Variants in ERG observed in about 807,000 individuals in gnomAD.
ERG encodes transcriptional regulator ERG.
Under a neutral mutation model 55.3 loss-of-function variants are expected in ERG, and 9 were observed. The observed-to-expected ratio is 0.16, with a 90% confidence interval of 0.10 to 0.28. The LOEUF (loss-of-function observed/expected upper bound fraction) is 0.28. ERG is among the 10% of genes least tolerant of loss of function. ERG has a pLI of 1.00. For synonymous variants in ERG, 223 were observed against 237.3 expected (o/e 0.94, Z 0.55); for missense variants, 434 against 631.6 (o/e 0.69, Z 3.35).
At chr21:38,422,918 C>T (rs1036831097) in intron 3 of ERG, among the ~76,000 whole-genome samples, 2 of 152,146 alleles carry the variant, frequency 1.3e-5, no homozygotes, top group Non-Finnish European at 2.9e-5. Context: ...AATAGTACCT[C>T]ATGAAGGACA....
intron 6 of ERG, among the ~76,000 whole-genome samples, chr21:38,396,865 T>G (rs145071442): frequency 6.6e-6 from 1 of 152,250 alleles, no homozygotes; most frequent in East Asian, 1.9e-4. Flanking sequence ...CTGGTCGTAG[T>G]AACTGCAACA....
intron 2 of ERG, among the ~76,000 whole-genome samples, chr21:38,550,165 TG>T (rs1226239983): frequency 1.3e-5 from 2 of 152,158 alleles, no homozygotes; most frequent in African/African-American, 4.8e-5. Flanking sequence ...CCTTTTGACC[TG>T]GTTGCTGAGT....
chr21:38,626,441 T>C (rs2146950751), intron 1 of ERG, among the ~76,000 whole-genome samples: 1 of 152,294 alleles, frequency 6.6e-6, no homozygotes, highest in East Asian at 1.9e-4. Flanking sequence ...GTGACATCAG[T>C]ATGAGCTCAG....
At chr21:38,568,767 G>A (rs1285757260) in intron 2 of ERG, among the ~76,000 whole-genome samples, 3 of 152,162 alleles carry the variant, frequency 2.0e-5, no homozygotes, top group Non-Finnish European at 2.9e-5. Context: ...GACAGAGGAC[G>A]TGTCGATGGA....
Position 38,444,847 on chromosome 21 carries a change from C to T in ERG, c.236+557G>A, listed in dbSNP as rs568349496. On this transcript the variant is annotated intron_variant, in intron 2 of 9. Transcript: ENST00000288319. ...AGCAAATTCAAGTGGCTTGGACATA[C>T]GCCGCACTGCCTGGCCACTAGCTGA... Among the ~76,000 whole-genome samples the T allele has an allele frequency of 2.6e-5, 4 of 152,112 alleles. No individual in the cohort carries two copies. In the South Asian group the frequency reaches 6.2e-4, roughly 24 times the overall value.
chr21:38,646,980 C>G (rs2060460964), intron 1 of ERG, among the ~76,000 whole-genome samples: 1 of 152,164 alleles, frequency 6.6e-6, no homozygotes, highest in African/African-American at 2.4e-5. Context: ...TCACCGGTGG[C>G]TGCCAGCCTC....
At chr21:38,501,223 A>G (rs934515304), upstream of ERG, among the ~76,000 whole-genome samples, 4 of 151,164 alleles carry the variant, frequency 2.6e-5, no homozygotes, top group Admixed American at 2.6e-4. Flanking sequence ...CCGCCACCAC[A>G]CCTGGCTAAT....
At chr21:38,407,599 C>G (rs9974751) in intron 3 of ERG, among the ~76,000 whole-genome samples, 1 of 137,816 alleles carries the variant, frequency 7.3e-6, no homozygotes, top group Admixed American at 7.4e-5. Context: ...AATGTATTCT[C>G]TATTTTTCAA....
intron 2 of ERG, among the ~76,000 whole-genome samples, chr21:38,559,739 T>C (rs1037144582): frequency 1.3e-5 from 2 of 152,324 alleles, no homozygotes; most frequent in East Asian, 1.9e-4. Context: ...TGGAGTGCCA[T>C]GGCACGGTCT....
At chr21:38,534,495 T>A (rs1252581732) in intron 2 of ERG, among the ~76,000 whole-genome samples, 2 of 152,140 alleles carry the variant, frequency 1.3e-5, no homozygotes, top group African/African-American at 4.8e-5. Context: ...CTTCATTCTT[T>A]AGTCTTAGAA....
chr21:38,594,964 T>C (rs1302334291), intron 1 of ERG, among the ~76,000 whole-genome samples: 1 of 152,050 alleles, frequency 6.6e-6, no homozygotes, highest in East Asian at 1.9e-4. Flanking sequence ...TTTTGCACAA[T>C]GGCCTGGAAC....
chr21:38,495,852 T>C (rs764882911), intron 1 of ERG, among the ~76,000 whole-genome samples: 1 of 152,156 alleles, frequency 6.6e-6, no homozygotes, highest in Non-Finnish European at 1.5e-5. Flanking sequence ...ACTGAGATGT[T>C]TGTGGGGACA....
intron 1 of ERG, among the ~76,000 whole-genome samples, chr21:38,477,076 G>A (rs560327708): frequency 1.2e-4 from 16 of 131,952 alleles, no homozygotes; most frequent in Admixed American, 1.1e-3. Context: ...GCACTGGTGC[G>A]CTCATGGCTC....
rs548805865 is a variant in ERG, at chr21:38,427,823, T to C, written c.237-4262A>G. The stretch of plus-strand genomic sequence containing the variant: ...GTGCATGACACAAACAGGGCACATA[T>C]ACAAGATGCAAATAAGAAAGAGGAG... On this transcript the variant is annotated intron_variant, in intron 2 of 9. Coordinates refer to ENST00000288319, the MANE Select transcript of ERG (RefSeq NM_182918.4). 7.9e-5 allele frequency among the ~76,000 whole-genome samples: 12 copies of C among 152,250 alleles called. No individual in the cohort carries two copies. The South Asian group carries it at 1.5e-3, about 18-fold the overall frequency.
chr21:38,542,619 G>A (rs2059761058), intron 2 of ERG, among the ~76,000 whole-genome samples: 1 of 152,108 alleles, frequency 6.6e-6, no homozygotes, highest in East Asian at 1.9e-4. Flanking sequence ...GAAATAGATT[G>A]GTTAAAAGAA....
intron 1 of ERG, among the ~76,000 whole-genome samples, chr21:38,480,118 T>A (rs776948653): frequency 2.0e-5 from 3 of 152,162 alleles, no homozygotes; most frequent in Non-Finnish European, 4.4e-5. Context: ...ATCTGTAGCA[T>A]GGATACGGTG....
At chr21:38,547,552 A>T in intron 2 of ERG, among the ~76,000 whole-genome samples, 1 of 152,328 alleles carries the variant, frequency 6.6e-6, no homozygotes, top group Middle Eastern at 3.4e-3. Flanking sequence ...CCTGCAAATC[A>T]TTAAAGAGGG....
At position 38,403,779 on chromosome 21, in the gene ERG, T is replaced by A. The variant is rs982375678; in HGVS notation, c.389-70A>T. 2.8e-6 allele frequency: 4 copies of A among 1,442,794 alleles called. No individual in the cohort carries two copies. In the East Asian group the frequency reaches 6.9e-5, roughly 25 times the overall value. The allele number at this position is 1,442,794 out of a possible 1,614,324, so 89.4% of individuals were successfully genotyped here. ...ATCTTCATCTTGGGGTAGATCCCCATCCACGTGGGATTTCTGACCAGCTGC... is the reference window on the plus strand; with the variant it reads ...ATCTTCATCTTGGGGTAGATCCCCAACCACGTGGGATTTCTGACCAGCTGC... On this transcript the variant is annotated intron_variant, in intron 3 of 9. Coordinates refer to ENST00000288319, the MANE Select transcript of ERG (RefSeq NM_182918.4).
At chr21:38,647,122 G>A (rs1279610623) in intron 1 of ERG, among the ~76,000 whole-genome samples, 3 of 152,152 alleles carry the variant, frequency 2.0e-5, no homozygotes, top group African/African-American at 7.2e-5. Context: ...CATGTTTAAT[G>A]GTGCTTGAAC....
Sources: gnomAD v4.1 joint callset for allele counts (sites outside exome capture counted in the v4.1 genomes callset) on GRCh38, gnomAD v4.1.1 for gene constraint, MANE v1.5 for transcripts, NCBI Gene and HGNC (gene_info 2026-07-23, HGNC 2026-07-21) for gene names.